FGD6: variants seen among roughly 807,000 people sequenced by gnomAD.
FGD6 encodes the protein FYVE, RhoGEF and PH domain containing 6.
FGD6 carries 90 observed loss-of-function variants against 149.4 expected under a neutral mutation model. That is an observed-to-expected ratio of 0.60 (90% confidence interval 0.51 to 0.72). The LOEUF (loss-of-function observed/expected upper bound fraction) is 0.72. Ranked by LOEUF, FGD6 falls within the 30% of genes least tolerant of loss-of-function variation. The probability of loss-of-function intolerance (pLI) is 0.00; values close to 1 mark genes in which losing one functional copy is unlikely to be tolerated. For missense variants in FGD6, 1,437 were observed against 1,684.8 expected, an observed-to-expected ratio of 0.85 and a Z score of 2.57; for synonymous variants, 527 against 584.0, an observed-to-expected ratio of 0.90 and a Z score of 1.41.
rs189221491 is a variant in FGD6, at chr12:95,209,206, G to A, written c.2078C>T (p.Thr693Ile). ...KRSKPIKAYS[T>I]ENYSLESQKK... ...TTGAGATTCCAGGCTATAGTTTTCT[G>A]TGGAATATGCCTTGATGGGTTTACT... The change falls in exon 2 of 21, where the codon ACA becomes ATA. Residue 693 changes from threonine to isoleucine, a missense_variant. Coordinates refer to ENST00000343958, the MANE Select transcript of FGD6 (RefSeq NM_018351.4). The A allele has an allele frequency of 5.6e-6, 9 of 1,614,068 alleles. No homozygotes were observed. The highest frequency in any genetic ancestry group is 4.5e-5 in the East Asian group (2 of 44,880).
chr12:95,118,587 A>G (rs1003612788), intron 8 of FGD6, among the ~76,000 whole-genome samples: 4 of 152,184 alleles, frequency 2.6e-5, no homozygotes, highest in Admixed American at 6.5e-5. Flanking sequence ...ACCCAGTCAG[A>G]TTCCTGGACC....
intron 5 of FGD6, among the ~76,000 whole-genome samples, chr12:95,148,657 TTA>T (rs1449662927): frequency 2.5e-5 from 3 of 120,616 alleles, no homozygotes; most frequent in Middle Eastern, 4.8e-3. Flanking sequence ...ATATTATATA[TTA>T]TATAATACAT....
chr12:95,158,315 G>T (rs1880537257), intron 3 of FGD6, among the ~76,000 whole-genome samples: 1 of 151,088 alleles, frequency 6.6e-6, no homozygotes, highest in Non-Finnish European at 1.5e-5. Flanking sequence ...CTACAGGTGT[G>T]TGCCACCATG....
chr12:95,189,608 A>G (rs1265063129), intron 2 of FGD6: 4 of 148,950 alleles, frequency 2.7e-5, no homozygotes, highest in African/African-American at 9.9e-5. Flanking sequence ...TGATCTTGCC[A>G]CTGCACTCCA....
chr12:95,150,009 C>T (rs1271709530), intron 5 of FGD6, among the ~76,000 whole-genome samples: 1 of 145,530 alleles, frequency 6.9e-6, no homozygotes, highest in Non-Finnish European at 1.5e-5. Context: ...CACACACACA[C>T]ACACACACAC....
chr12:95,143,472 A>G (rs1879916738), intron 5 of FGD6, among the ~76,000 whole-genome samples: 2 of 152,208 alleles, frequency 1.3e-5, no homozygotes, highest in South Asian at 4.1e-4. Context: ...TTGATCCCAC[A>G]GTCACATTAG....
intron 2 of FGD6, chr12:95,189,187 G>T (rs1471074169): frequency 2.0e-5 from 3 of 152,196 alleles, no homozygotes; most frequent in Non-Finnish European, 4.4e-5. Context: ...CATCCACAGG[G>T]TATTAGCTGC....
chr12:95,138,250 C>CACTA (rs1879737419), intron 6 of FGD6, among the ~76,000 whole-genome samples: 1 of 113,230 alleles, frequency 8.8e-6, no homozygotes. Flanking sequence ...ATAAATAACT[C>CACTA]ACTCACTCCT....
Position 95,167,613 on chromosome 12 carries a change from C to T in FGD6, c.2586+4987G>A, listed in dbSNP as rs1293418728. ...TTTTTGAGATGGAGTCTAGCTCTGT[C>T]ACCCAGGTTGGACTGCAATGGTGTG... On this transcript the variant is annotated intron_variant, in intron 3 of 20. Coordinates refer to ENST00000343958, the MANE Select transcript of FGD6 (RefSeq NM_018351.4). 9.5e-5 allele frequency among the ~76,000 whole-genome samples: 13 copies of T among 137,286 alleles called. No individual in the cohort carries two copies. In the Admixed American group the frequency reaches 1.0e-3, roughly 11 times the overall value. 90.1% of individuals were successfully genotyped at this position (137,286 alleles called of 152,430 possible). A position where few individuals can be genotyped will look rare whatever the true frequency, so the allele number is the denominator to read the frequency against.
intron 5 of FGD6, among the ~76,000 whole-genome samples, chr12:95,146,782 C>G (rs1880028445): frequency 6.6e-6 from 1 of 152,098 alleles, no homozygotes; most frequent in African/African-American, 2.4e-5. Flanking sequence ...ACCTACAAAT[C>G]AGAATCAGAT....
chr12:95,210,688 T>C lies in FGD6; in HGVS notation c.596A>G (p.Lys199Arg). ...HQMPPFISAQKHRPTDSPEMN... is the reference protein window; with the variant it reads ...HQMPPFISAQRHRPTDSPEMN... ...TTCTGGGCTGTCTGTGGGCCTGTGCTTCTGTGCAGAAATAAAAGGTGGCAT... is the reference window on the plus strand; with the variant it reads ...TTCTGGGCTGTCTGTGGGCCTGTGCCTCTGTGCAGAAATAAAAGGTGGCAT... The change falls in exon 2 of 21, where the codon AAG becomes AGG. Residue 199 changes from lysine to arginine, a missense_variant. Lys to Arg is a conservative substitution (Grantham distance 26). Coordinates refer to ENST00000343958, the MANE Select transcript of FGD6 (RefSeq NM_018351.4). The C allele has an allele frequency of 6.2e-7, 1 of 1,614,072 alleles. No homozygotes were observed. Among genetic ancestry groups the C allele is most frequent in the Non-Finnish European group, 8.5e-7 (1 of 1,180,024 alleles).
chr12:95,114,927 G>A (rs1878961465), intron 8 of FGD6, among the ~76,000 whole-genome samples: 1 of 151,906 alleles, frequency 6.6e-6, no homozygotes, highest in Admixed American at 6.6e-5. Context: ...TGTCCCCCTG[G>A]CTTCACACCT....
chr12:95,149,331 ATATAT>A (rs1173931115), intron 5 of FGD6, among the ~76,000 whole-genome samples: 3 of 70,354 alleles, frequency 4.3e-5, no homozygotes, highest in South Asian at 3.2e-4. Context: ...ATATTATATA[ATATAT>A]TATATAATAT....
rs201003002 is a variant in FGD6 at position 95,153,733 on chromosome 12, CA to C, written c.2587-741del. On this transcript the variant is annotated intron_variant, in intron 3 of 20. Transcript: ENST00000343958. ...ATAGGAATGTAGATGAGAACTTCAC[CA>C]TAAGTAAAGGTATTTTAACTCACAA... 3.9e-3 allele frequency among the ~76,000 whole-genome samples: 599 copies of C among 152,146 alleles called. 2 individuals are homozygous for C. Among genetic ancestry groups the C allele is most frequent in the African/African-American group, 0.012 (509 of 41,504 alleles).
chr12:95,127,823 C>T (rs1372017149), intron 8 of FGD6, among the ~76,000 whole-genome samples: 1 of 152,176 alleles, frequency 6.6e-6, no homozygotes, highest in African/African-American at 2.4e-5. Flanking sequence ...ACCTGATCCA[C>T]ATTTAATCAA....
intron 11 of FGD6, 33 bp downstream of exon 11, chr12:95,108,315 T>A (rs761655386): frequency 2.6e-5 from 41 of 1,593,750 alleles, no homozygotes; most frequent in Non-Finnish European, 3.4e-5. Context: ...ATGCATCGTA[T>A]TAAGTTTGCG....
chr12:95,206,629 G>A (rs1447160364), intron 2 of FGD6, among the ~76,000 whole-genome samples: 1 of 151,814 alleles, frequency 6.6e-6, no homozygotes, highest in East Asian at 1.9e-4. Context: ...GGAGTTACAG[G>A]CTGCGGTAAG....
chr12:95,203,277 A>G (rs2056672198), intron 2 of FGD6, among the ~76,000 whole-genome samples: 1 of 152,226 alleles, frequency 6.6e-6, no homozygotes, highest in Admixed American at 6.5e-5. Context: ...TGGTGCTTGA[A>G]GACCAAAAGA....
At position 95,077,470 on chromosome 12, in the gene FGD6, A is replaced by T. The variant is rs1347273181; in HGVS notation, c.*4050T>A. Reference sequence around the variant, plus strand: ...GAGGAAGGAAAAGGAAACTGTGTGAACAAAGAAAGGTTGGGTAAGAGTTAG... The same window carrying T: ...GAGGAAGGAAAAGGAAACTGTGTGATCAAAGAAAGGTTGGGTAAGAGTTAG... On this transcript the variant is annotated 3_prime_UTR_variant, in exon 21 of 21. Transcript: ENST00000343958. 1 of 152,336 alleles carries T rather than the reference A, an allele frequency of 6.6e-6. No homozygotes were observed. Among genetic ancestry groups the T allele is most frequent in the Non-Finnish European group, 1.5e-5 (1 of 68,136 alleles). The allele number at this position is 152,336 out of a possible 1,614,324, so 9.4% of individuals were successfully genotyped here.
Sources: allele counts gnomAD v4.1 joint callset (sites outside exome capture counted in the v4.1 genomes callset), GRCh38; gene constraint gnomAD v4.1.1; transcripts MANE v1.5; gene names NCBI Gene and HGNC (gene_info 2026-07-23, HGNC 2026-07-21).